Variants in MROH1 observed in about 807,000 individuals in gnomAD.
The protein encoded by MROH1 is maestro heat like repeat family member 1.
Under a neutral mutation model 116.5 loss-of-function variants are expected in MROH1, and 117 were observed. The observed-to-expected ratio is 1.00, with a 90% CI of 0.86 to 1.17. MROH1 has a LOEUF of 1.17. Ranked by LOEUF, MROH1 falls within the 50% of genes most tolerant of loss-of-function variation. The pLI, the probability that MROH1 is intolerant of heterozygous loss-of-function variation, is 0.00. For synonymous variants in MROH1, 921 were observed against 583.9 expected, an observed-to-expected ratio of 1.58 and a Z score of -8.32; for missense variants, 1,873 against 1,338.5, an observed-to-expected ratio of 1.40 and a Z score of -6.23.
rs887161132 is a variant in MROH1 at position 144,260,214 on chromosome 8, C to T, written c.4220C>T (p.Thr1407Ile). 6.3e-5 allele frequency: 48 copies of T among 765,628 alleles called. No individual in the cohort carries two copies. The highest frequency in any genetic ancestry group is 6.1e-4 in the African/African-American group (36 of 59,126). 47.4% of individuals were successfully genotyped at this position (765,628 alleles called of 1,614,324 possible). Residue 1407 changes from threonine to isoleucine, a missense_variant, in exon 39 of 44, where the codon ACA becomes ATA. By Grantham distance (89) the Thr-to-Ile change is moderately conservative. Transcript: ENST00000326134. ...CGAACCCACGGCCCCCAGCTCCTCA[C>T]AGCCATGATTGGCGGGCTGGACGAC... ...KVRTHGPQLLTAMIGGLDDGD... is the reference protein window; with the variant it reads ...KVRTHGPQLLIAMIGGLDDGD...
At chr8:144,215,864 C>T (rs1201612566) in intron 12 of MROH1, among the ~76,000 whole-genome samples, 36 of 127,470 alleles carry the variant, frequency 2.8e-4, no homozygotes, top group Non-Finnish European at 4.7e-4. Flanking sequence ...TAGAGCGAGA[C>T]TCTGTCGCAA....
Position 144,255,539 on chromosome 8 carries a change from A to G in MROH1, c.3625A>G (p.Thr1209Ala). Residue 1209 changes from threonine to alanine, a missense_variant, in exon 35 of 44, where the codon ACG (threonine) becomes GCG (alanine). By Grantham distance (58) the Thr-to-Ala change is moderately conservative (BLOSUM62 0). Coordinates refer to ENST00000326134, the MANE Select transcript of MROH1 (RefSeq NM_032450.3). ...ATCALFEVMS[T>A]PAAGPAVLEL... is the part of the protein sequence containing the mutation. The stretch of plus-strand genomic sequence containing the variant: ...CTGTGCACTGTTTGAGGTCATGTCC[A>G]CGCCTGCAGCGGGGCCCGCGGTGCT... 1 of 779,220 alleles carries G rather than the reference A, an allele frequency of 1.3e-6. No individual in the cohort carries two copies. Among genetic ancestry groups the G allele is most frequent in the Admixed American group, 1.7e-5 (1 of 59,024 alleles). 48.3% of individuals were successfully genotyped at this position (779,220 alleles called of 1,614,324 possible). A position where few individuals can be genotyped will look rare whatever the true frequency, so the allele number is the denominator to read the frequency against.
At chr8:144,221,623 C>G (rs1045400536) in intron 13 of MROH1, among the ~76,000 whole-genome samples, 2 of 152,046 alleles carry the variant, frequency 1.3e-5, no homozygotes, top group Non-Finnish European at 2.9e-5. Context: ...ACATCTGTTG[C>G]GGTGCTCCTT....
intron 4 of MROH1, among the ~76,000 whole-genome samples, chr8:144,171,532 T>C (rs1822448459): frequency 6.6e-6 from 1 of 152,228 alleles, no homozygotes; most frequent in South Asian, 2.1e-4. Flanking sequence ...CAAGTGTTTC[T>C]AGAGGAGGGC....
At chr8:144,153,544 C>T (rs1283785412) in intron 1 of MROH1, among the ~76,000 whole-genome samples, 1 of 152,088 alleles carries the variant, frequency 6.6e-6, no homozygotes, top group Non-Finnish European at 1.5e-5. Context: ...ACCACATTTT[C>T]TTTGTTTTAT....
intron 12 of MROH1, among the ~76,000 whole-genome samples, chr8:144,205,645 C>T (rs1046290771): frequency 2.6e-5 from 4 of 152,066 alleles, no homozygotes; most frequent in Admixed American, 1.3e-4. Flanking sequence ...CCATAGAGTG[C>T]GCATTCAGCA....
chr8:144,171,452 C>T (rs1252102589), intron 4 of MROH1, among the ~76,000 whole-genome samples: 4 of 152,230 alleles, frequency 2.6e-5, no homozygotes, highest in East Asian at 1.9e-4. Context: ...GTTCCGCTAC[C>T]GGAAGCTCCT....
In MROH1 at chr8:144,179,528, A is replaced by G. The variant is rs1215970485; in HGVS notation, c.242A>G (p.Asp81Gly). ...CTGAGCAGTCGCGCCAGTGAGCTGG[A>G]CAAGGACACAGCCAGCACCATCATC... ...RVLSSRASEL[D>G]KDTASTIILL... is the part of the protein sequence containing the mutation. The change falls in exon 5 of 44, where the codon GAC (aspartate) becomes GGC (glycine). Residue 81 changes from aspartate to glycine, a missense_variant. Asp to Gly is a moderately conservative substitution (Grantham distance 94). Transcript: ENST00000326134. The G allele has an allele frequency of 6.2e-7, 1 of 1,613,474 alleles. No individual in the cohort carries two copies. Among genetic ancestry groups the G allele is most frequent in the Non-Finnish European group, 8.5e-7 (1 of 1,179,788 alleles).
rs534504617 is a variant in MROH1 at position 144,191,909 on chromosome 8, C to A, written c.855+54C>A. 482 of 1,603,046 alleles carry A rather than the reference C, an allele frequency of 3.0e-4. 7 individuals carry two copies. The highest frequency in any genetic ancestry group is 2.3e-3 in the South Asian group (205 of 90,340). On this transcript the variant is annotated intron_variant, in intron 9 of 43. Transcript: ENST00000326134. ...CCCCGAGGACCCCTCCAATCAGACT[C>A]CCCGGGGGTGGCCGTGAGTCCTCGG...
intron 8 of MROH1, 27 bp downstream of exon 8, chr8:144,190,962 C>CG: frequency 6.3e-7 from 1 of 1,593,798 alleles, no homozygotes; most frequent in Non-Finnish European, 8.6e-7. Context: ...CATCAGTCCA[C>CG]GCCTGATGCC....
intron 4 of MROH1, among the ~76,000 whole-genome samples, chr8:144,174,511 ACTCCCT>A (rs1823324907): frequency 6.9e-6 from 1 of 144,936 alleles, no homozygotes; most frequent in Non-Finnish European, 1.5e-5. Flanking sequence ...TCAGGGATGG[ACTCCCT>A]CTGTTGCCTA....
At chr8:144,227,607 T>G (rs1838044336) in intron 14 of MROH1, among the ~76,000 whole-genome samples, 1 of 151,648 alleles carries the variant, frequency 6.6e-6, no homozygotes, top group Admixed American at 6.6e-5. Context: ...ATCATGCCAT[T>G]ATACTCCAGC....
At chr8:144,190,432 A>ACC (rs1828269651) in intron 7 of MROH1, among the ~76,000 whole-genome samples, 1 of 152,114 alleles carries the variant, frequency 6.6e-6, no homozygotes, top group South Asian at 2.1e-4. Flanking sequence ...AGGCAGGAGA[A>ACC]TTGCTTGAAC....
chr8:144,217,257 ACAC>A (rs1835477876), intron 12 of MROH1, among the ~76,000 whole-genome samples: 1 of 152,230 alleles, frequency 6.6e-6, no homozygotes, highest in African/African-American at 2.4e-5. Context: ...CTAAAAGGTG[ACAC>A]CTGTGCTTTC....
rs553030994 is a variant in MROH1, at chr8:144,220,330, C to T, written c.1142-270C>T. 3.9e-5 allele frequency among the ~76,000 whole-genome samples: 6 copies of T among 152,318 alleles called. No homozygotes were observed. In the East Asian group the frequency reaches 7.7e-4, roughly 20 times the overall value. On this transcript the variant is annotated intron_variant, in intron 12 of 43. Transcript: ENST00000326134. ...AGTACCACTGAAGGAACTTCCCCGG[C>T]GTTGGAACCTGCGTGTACCTGACTC...
At chr8:144,223,899 CTG>C (rs1837304085) in intron 14 of MROH1, among the ~76,000 whole-genome samples, 1 of 152,218 alleles carries the variant, frequency 6.6e-6, no homozygotes, top group Admixed American at 6.5e-5. Context: ...GTGGTGCCCA[CTG>C]TGCCTCAAGT....
chr8:144,156,544 T>TA (rs1217060946), intron 1 of MROH1, among the ~76,000 whole-genome samples: 8 of 151,090 alleles, frequency 5.3e-5, no homozygotes, highest in South Asian at 2.1e-4. Flanking sequence ...CCATCTCTCC[T>TA]AAAAAAATAC....
intron 33 of MROH1, among the ~76,000 whole-genome samples, chr8:144,254,219 T>C (rs1843308312): frequency 6.6e-6 from 1 of 152,268 alleles, no homozygotes; most frequent in Non-Finnish European, 1.5e-5. Context: ...GTTTCTCTCT[T>C]CTACTGTATC....
intron 7 of MROH1, among the ~76,000 whole-genome samples, chr8:144,186,684 CG>C (rs541599254): frequency 2.6e-5 from 4 of 152,184 alleles, no homozygotes; most frequent in Non-Finnish European, 4.4e-5. Context: ...TCTGTCCTGA[CG>C]GGGGGGTCAC....
Sources: gnomAD v4.1 joint callset for allele counts (sites outside exome capture counted in the v4.1 genomes callset) on GRCh38, gnomAD v4.1.1 for gene constraint, MANE v1.5 for transcripts, NCBI Gene and HGNC (gene_info 2026-07-23, HGNC 2026-07-21) for gene names.